Variants in MCF2L2 observed in about 807,000 individuals in gnomAD.
MCF2L2 encodes MCF.2 cell line derived transforming sequence-like 2.
Under a neutral mutation model 150.2 loss-of-function variants are expected in MCF2L2, and 102 were observed. That is an observed-to-expected ratio of 0.68 (90% CI 0.58 to 0.80). The LOEUF is 0.80. Ranked by LOEUF, MCF2L2 falls within the 30% of genes least tolerant of loss-of-function variation. MCF2L2 has a pLI of 0.00. For synonymous variants in MCF2L2, 465 were observed against 491.3 expected (o/e 0.95, Z 0.71); for missense variants, 1,256 against 1,372.8 (o/e 0.91, Z 1.34).
At chr3:183,375,260 C>G (rs1713129614) in intron 3 of MCF2L2, 2 of 152,158 alleles carry the variant, frequency 1.3e-5, no homozygotes, top group Admixed American at 1.3e-4. Flanking sequence ...CCTCCTTTTG[C>G]TTTCTGAGGG....
Position 183,404,589 on chromosome 3 carries a change from G to A in MCF2L2, c.77-14810C>T, listed in dbSNP as rs538848115. ...ACTTGTAAAACAATATGGGCTGGGC[G>A]TGGTGGCTCACGCCTGTAATCCCAG... On this transcript the variant is annotated intron_variant, in intron 1 of 29. Coordinates refer to ENST00000328913, the MANE Select transcript of MCF2L2 (RefSeq NM_015078.4). Among the ~76,000 whole-genome samples, 365 of 152,320 alleles carry A rather than the reference G, an allele frequency of 2.4e-3. 3 individuals are homozygous for A. The highest frequency in any genetic ancestry group is 8.4e-3 in the African/African-American group (348 of 41,560).
At chr3:183,385,228 C>T (rs1227334841) in intron 2 of MCF2L2, among the ~76,000 whole-genome samples, 1 of 152,028 alleles carries the variant, frequency 6.6e-6, no homozygotes, top group Non-Finnish European at 1.5e-5. Flanking sequence ...AATATGGTTA[C>T]CATAAAATTT....
At chr3:183,346,082 C>A (rs1266314126) in intron 3 of MCF2L2, among the ~76,000 whole-genome samples, 4 of 152,190 alleles carry the variant, frequency 2.6e-5, no homozygotes, top group Admixed American at 2.6e-4. Flanking sequence ...AGGCCAGCAT[C>A]ATCCTGATAC....
chr3:183,289,221 C>T lies in MCF2L2; in HGVS notation c.1676-1G>A. ...GTTCTCAGAGGACGAGCTAGAGGGA[C>T]TAAGAGAACCTGCCATTAGTGTGGT... is the stretch of plus-strand genomic sequence containing the variant. On this transcript the variant is annotated splice_acceptor_variant, in intron 13 of 29. Transcript: ENST00000328913. LOFTEE classifies it high-confidence loss of function. 1 of 1,590,896 alleles carries T rather than the reference C, an allele frequency of 6.3e-7. No individual in the cohort carries two copies.
chr3:183,279,016 T>G (rs971694162), intron 14 of MCF2L2, among the ~76,000 whole-genome samples: 4 of 152,102 alleles, frequency 2.6e-5, no homozygotes, highest in African/African-American at 9.7e-5. Flanking sequence ...GAGGATGCAA[T>G]GAGAAGGACC....
In MCF2L2 at chr3:183,295,394, T is replaced by C; in HGVS notation, c.1581A>G (p.Ala527=). 1 of 1,614,148 alleles carries C rather than the reference T, an allele frequency of 6.2e-7. No homozygotes were observed. The highest frequency in any genetic ancestry group is 1.1e-5 in the South Asian group (1 of 91,066). ...GTTGCACTGGACGAGTCTGTTTGGC[T>C]GCCAGTTTCATCAGACTCACTTGCC... is the stretch of plus-strand genomic sequence containing the variant. The part of the protein sequence containing the change: ...HKRQVSLMKL[A]AKQTRPVQPV... The change falls in exon 13 of 30, where the codon GCA becomes GCG. Residue 527 remains alanine (A), a synonymous_variant. Transcript: ENST00000328913.
At chr3:183,186,369 T>C (rs577277569) in intron 27 of MCF2L2, among the ~76,000 whole-genome samples, 1 of 152,290 alleles carries the variant, frequency 6.6e-6, no homozygotes, top group Non-Finnish European at 1.5e-5. Context: ...TCCTTTCACC[T>C]TGGCCTGCCA....
chr3:183,249,549 G>A (rs922825764), intron 15 of MCF2L2, among the ~76,000 whole-genome samples: 5 of 152,184 alleles, frequency 3.3e-5, no homozygotes, highest in African/African-American at 9.7e-5. Context: ...GGAAGAAACC[G>A]GGTTCTCAGA....
intron 7 of MCF2L2, among the ~76,000 whole-genome samples, chr3:183,312,386 ACT>A (rs2108510632): frequency 6.6e-6 from 1 of 152,298 alleles, no homozygotes; most frequent in African/African-American, 2.4e-5. Flanking sequence ...GTGGAAGGCT[ACT>A]TCCTTCCAAA....
intron 5 of MCF2L2, among the ~76,000 whole-genome samples, chr3:183,326,492 C>CAAAAAAAAAAA (rs890481068): frequency 0.027 from 1,021 of 37,332 alleles, 1 homozygote; most frequent in Non-Finnish European, 0.036. Flanking sequence ...AACTCCGTCT[C>CAAAAAAAAAAA]AAAAAAAAAA....
chr3:183,290,636 C>A (rs540219900), intron 13 of MCF2L2, among the ~76,000 whole-genome samples: 31 of 152,102 alleles, frequency 2.0e-4, no homozygotes, highest in Admixed American at 2.0e-3. Context: ...CAGGTTCAAG[C>A]GATTCTTCTG....
At chr3:183,205,530 T>TA (rs1215062960) in intron 25 of MCF2L2, among the ~76,000 whole-genome samples, 1 of 152,220 alleles carries the variant, frequency 6.6e-6, no homozygotes, top group Non-Finnish European at 1.5e-5. Context: ...CTTGATGTTT[T>TA]AAAAAAAGTA....
intron 1 of MCF2L2, among the ~76,000 whole-genome samples, chr3:183,409,553 T>C (rs952122887): frequency 4.1e-5 from 3 of 73,922 alleles, no homozygotes; most frequent in African/African-American, 2.6e-4. Context: ...TAAAATTTCT[T>C]TTTTTTTTTT....
At chr3:183,269,250 A>ATTTTT (rs1726488515) in intron 15 of MCF2L2, among the ~76,000 whole-genome samples, 1 of 74,264 alleles carries the variant, frequency 1.3e-5, no homozygotes, top group African/African-American at 1.4e-4. Flanking sequence ...TTTTTTTTTA[A>ATTTTT]GAGTAGGAGT....
At chr3:183,276,360 A>G (rs564128535) in intron 15 of MCF2L2, among the ~76,000 whole-genome samples, 1 of 152,256 alleles carries the variant, frequency 6.6e-6, no homozygotes, top group Non-Finnish European at 1.5e-5. Flanking sequence ...TAATGTGACT[A>G]GCACTAGAAC....
At chr3:183,196,913 T>C (rs560699731) in intron 25 of MCF2L2, among the ~76,000 whole-genome samples, 4 of 152,310 alleles carry the variant, frequency 2.6e-5, no homozygotes, top group African/African-American at 7.2e-5. Flanking sequence ...GAGAAATCTC[T>C]TTCCGAATTG....
chr3:183,238,772 C>T lies in MCF2L2; in HGVS notation c.1863-7755G>A, dbSNP rs112893264. Among the ~76,000 whole-genome samples, 17 of 150,664 alleles carry T rather than the reference C, an allele frequency of 1.1e-4. No homozygotes were observed. The East Asian group carries it at 1.6e-3, about 14-fold the overall frequency. On this transcript the variant is annotated intron_variant, in intron 15 of 29. Coordinates refer to ENST00000328913, the MANE Select transcript of MCF2L2 (RefSeq NM_015078.4). ...CAGCACTTTGGGAGGCCGAGGCAGG[C>T]GGATCACGAGGTCAGGAGATGTAGA...
At chr3:183,395,917 CA>C (rs11338932) in intron 1 of MCF2L2, among the ~76,000 whole-genome samples, 4,226 of 58,048 alleles carry the variant, frequency 0.073, 142 homozygotes, top group African/African-American at 0.2. Flanking sequence ...GACATCGTCT[CA>C]AAAAAAAAAA....
chr3:183,422,165 CAG>C lies in MCF2L2; in HGVS notation c.76+5735_76+5736del, dbSNP rs549086725. Among the ~76,000 whole-genome samples, 12 of 152,314 alleles carry C rather than the reference CAG, an allele frequency of 7.9e-5. No homozygotes were observed. In the South Asian group the frequency reaches 1.9e-3, roughly 24 times the overall value. On this transcript the variant is annotated intron_variant, in intron 1 of 29. Coordinates refer to ENST00000328913, the MANE Select transcript of MCF2L2 (RefSeq NM_015078.4). ...ACTCTAGTTGCCTCTTTCCCTGGTT[CAG>C]AGGACTCTCTGATAAACAAGCTGGC...
Sources: allele counts gnomAD v4.1 joint callset (sites outside exome capture counted in the v4.1 genomes callset), GRCh38; gene constraint gnomAD v4.1.1; transcripts MANE v1.5; gene names NCBI Gene and HGNC (gene_info 2026-07-23, HGNC 2026-07-21).